Variants in DLG4 observed in about 807,000 individuals in gnomAD.
DLG4 encodes discs large MAGUK scaffold protein 4, also known as disks large homolog 4.
DLG4 carries 7 observed loss-of-function variants against 93.8 expected under a neutral mutation model. That is an observed-to-expected ratio of 0.07 (90% CI 0.04 to 0.14). The LOEUF is 0.14. Among genes scored for constraint, DLG4 ranks in the 10% least tolerant of loss-of-function variants. DLG4 has a pLI of 1.00. For missense variants in DLG4, 545 were observed against 992.9 expected, an observed-to-expected ratio of 0.55 and a Z score of 6.06; for synonymous variants, 341 against 387.6, an observed-to-expected ratio of 0.88 and a Z score of 1.41.
chr17:7,191,194 G>T lies in DLG4; in HGVS notation c.2068+73C>A. The T allele has an allele frequency of 6.9e-7, 1 of 1,443,638 alleles. No individual in the cohort carries two copies. Among genetic ancestry groups the T allele is most frequent in the Non-Finnish European group, 9.7e-7 (1 of 1,031,410 alleles). The allele number at this position is 1,443,638 out of a possible 1,614,324, so 89.4% of individuals were successfully genotyped here. The stretch of plus-strand genomic sequence containing the variant: ...ACCTCTTTCTAAGCCATCCACTGGG[G>T]GTGGCGGGGGAGCTCTTTCTAATCC... On this transcript the variant is annotated intron_variant, in intron 19 of 19. Coordinates refer to ENST00000399506, the MANE Select transcript of DLG4 (RefSeq NM_001321075.3). The surrounding 1 kb of genome is among the most constrained non-coding windows in gnomAD (Gnocchi z 6.6).
Position 7,194,079 on chromosome 17 carries a change from C to T in DLG4, c.1479-79G>A. The stretch of plus-strand genomic sequence containing the variant: ...CCCCATGCTCTGAGCCAGCTGACAA[C>T]CCCTTCTCCATACTCTGGGCCAGCT... On this transcript the variant is annotated intron_variant, in intron 12 of 19. Coordinates refer to ENST00000399506, the MANE Select transcript of DLG4 (RefSeq NM_001321075.3). The surrounding 1 kb of genome is among the most constrained non-coding windows in gnomAD (Gnocchi z 4.4). 3.2e-6 allele frequency: 5 copies of T among 1,553,444 alleles called. No homozygotes were observed. The highest frequency in any genetic ancestry group is 1.4e-5 in the African/African-American group (1 of 73,636).
In DLG4 at chr17:7,204,674, A is replaced by G. The variant is rs536311864; in HGVS notation, c.97-422T>C. 2.3e-4 allele frequency among the ~76,000 whole-genome samples: 35 copies of G among 152,096 alleles called. 1 individual carries two copies. The highest frequency in any genetic ancestry group is 3.4e-3 in the Middle Eastern group (1 of 294). ...CTTATGTGCTACACATGGACACCCC[A>G]GGGATCATGTCCACCGGGTCCTGGT... On this transcript the variant is annotated intron_variant, in intron 2 of 19. Transcript: ENST00000399506.
chr17:7,203,659 C>A lies in DLG4; in HGVS notation c.335+33G>T. 1.2e-6 allele frequency: 2 copies of A among 1,612,648 alleles called. No homozygotes were observed. Among genetic ancestry groups the A allele is most frequent in the Non-Finnish European group, 1.7e-6 (2 of 1,178,810 alleles). ...TGCCCTGGCCCTCCCTCTCCAGGGA[C>A]CAAGCAACCTAACCCCTGTCTCCTC... On this transcript the variant is annotated intron_variant, in intron 5 of 19. Transcript: ENST00000399506. The surrounding 1 kb of genome is among the most constrained non-coding windows in gnomAD (Gnocchi z 7.2).
Position 7,193,035 on chromosome 17 carries a change from G to A in DLG4, c.1776C>T (p.Asp592=). 6.2e-7 allele frequency: 1 copy of A among 1,613,772 alleles called. No individual in the cohort carries two copies. Among genetic ancestry groups the A allele is most frequent in the Non-Finnish European group, 8.5e-7 (1 of 1,179,782 alleles). Residue 592 remains aspartate (D), a synonymous_variant, in exon 17 of 20, where the codon GAC becomes GAT. Transcript: ENST00000399506. This position sits in a 1 kb window ranked among gnomAD's most constrained non-coding sequence, Gnocchi z 6.7. ...FVSSREKMEK[D]IQAHKFIEAG... The stretch of plus-strand genomic sequence containing the variant: ...CCTCAATGAACTTGTGCGCCTGAAT[G>A]TCCTTCTCCATTTTCTCCCGGGACG...
At chr17:7,218,351 C>A, upstream of DLG4, 1 of 1,524,680 alleles carries the variant, frequency 6.6e-7, no homozygotes, top group Non-Finnish European at 8.9e-7. Context: ...CCTGTCATCA[C>A]CGCTGCTGGC....
intron 8 of DLG4, among the ~76,000 whole-genome samples, chr17:7,201,022 G>A (rs2070105371): frequency 6.6e-6 from 1 of 151,816 alleles, no homozygotes; most frequent in Admixed American, 6.6e-5. Flanking sequence ...ACCACACCCA[G>A]CTAATTTTTT....
chr17:7,202,526 G>A (rs906459330), intron 8 of DLG4, among the ~76,000 whole-genome samples: 5 of 152,106 alleles, frequency 3.3e-5, no homozygotes, highest in Non-Finnish European at 5.9e-5. Flanking sequence ...GAAGCAAAAC[G>A]GGTCTATACT....
In DLG4 at chr17:7,194,084, T is replaced by C; in HGVS notation, c.1479-84A>G. 6.5e-7 allele frequency: 1 copy of C among 1,532,990 alleles called. No homozygotes were observed. Among genetic ancestry groups the C allele is most frequent in the South Asian group, 1.2e-5 (1 of 83,108 alleles). 95.0% of individuals were successfully genotyped at this position (1,532,990 alleles called of 1,614,324 possible). On this transcript the variant is annotated intron_variant, in intron 12 of 19. Coordinates refer to ENST00000399506, the MANE Select transcript of DLG4 (RefSeq NM_001321075.3). The surrounding 1 kb of genome is among the most constrained non-coding windows in gnomAD (Gnocchi z 4.4). ...TGCTCTGAGCCAGCTGACAACCCCT[T>C]CTCCATACTCTGGGCCAGCTGACAC...
chr17:7,219,479 C>A, upstream of DLG4: 1 of 1,041,402 alleles, frequency 9.6e-7, no homozygotes, highest in Non-Finnish European at 1.2e-6. Context: ...GGTACTCACA[C>A]CCTAGCTTGG....
Position 7,193,258 on chromosome 17 carries a change from G to T in DLG4, c.1694-141C>A. ...TGCCAGGGAGACCAAGACTGCAGAG[G>T]GCCAGAACCGCTTCCCCTAGCACCC... On this transcript the variant is annotated intron_variant, in intron 16 of 19. Coordinates refer to ENST00000399506, the MANE Select transcript of DLG4 (RefSeq NM_001321075.3). This position sits in a 1 kb window ranked among gnomAD's most constrained non-coding sequence, Gnocchi z 6.7. 7.7e-7 allele frequency: 1 copy of T among 1,295,838 alleles called. No homozygotes were observed. The allele number at this position is 1,295,838 out of a possible 1,614,324, so 80.3% of individuals were successfully genotyped here.
At position 7,190,429 on chromosome 17, in the gene DLG4, G is replaced by A. The variant is rs1488090437; in HGVS notation, c.*279C>T. 2.5e-5 allele frequency: 11 copies of A among 447,148 alleles called. No homozygotes were observed. The highest frequency in any genetic ancestry group is 1.2e-4 in the South Asian group (5 of 41,884). 27.7% of individuals were successfully genotyped at this position (447,148 alleles called of 1,614,324 possible). The stretch of plus-strand genomic sequence containing the variant: ...CGGTGGGTCTGTGTGTGCATTGGGG[G>A]CAGGTGGGGGCGGGGATCCTAAGGA... On this transcript the variant is annotated 3_prime_UTR_variant, in exon 20 of 20. Coordinates refer to ENST00000399506, the MANE Select transcript of DLG4 (RefSeq NM_001321075.3).
Position 7,208,578 on chromosome 17 carries a change from C to CTCAGAGCTCCCTCCAGCTTCTCA in DLG4, c.31-340_31-339insTGAGAAGCTGGAGGGAGCTCTGA, listed in dbSNP as rs2070586200. The stretch of plus-strand genomic sequence containing the variant: ...CCCCTTTCCCCACCACCTTCATCTT[C>CTCAGAGCTCCCTCCAGCTTCTCA]GAGTCCCTCCAGCTTCTCAGAGCTC... On this transcript the variant is annotated intron_variant, in intron 1 of 19. Transcript: ENST00000399506. This position sits in a 1 kb window ranked among gnomAD's most constrained non-coding sequence, Gnocchi z 5.4. Among the ~76,000 whole-genome samples the CTCAGAGCTCCCTCCAGCTTCTCA allele has an allele frequency of 6.6e-6, 1 of 152,076 alleles. No individual in the cohort carries two copies. Among genetic ancestry groups the CTCAGAGCTCCCTCCAGCTTCTCA allele is most frequent in the Non-Finnish European group, 1.5e-5 (1 of 68,012 alleles).
chr17:7,214,334 G>A (rs941619190), intron 1 of DLG4, among the ~76,000 whole-genome samples: 1 of 152,034 alleles, frequency 6.6e-6, no homozygotes, highest in Non-Finnish European at 1.5e-5. Flanking sequence ...ATTTCGGTCA[G>A]GTAACCCAGC....
rs200879867 is a variant in DLG4 at position 7,194,492 on chromosome 17, G to T, written c.1305C>A (p.Ala435=). 1.3e-5 allele frequency: 21 copies of T among 1,601,864 alleles called. No individual in the cohort carries two copies. The highest frequency in any genetic ancestry group is 1.8e-5 in the Non-Finnish European group (21 of 1,174,518). ...CCTTGGTCTTGTCGTAATCAAACAG[G>T]GCCCTGGAGGGCAAGTGGCTATCGG... ...SNPKRGFYIR[A]LFDYDKTKDC... Residue 435 remains alanine (A), a synonymous_variant, in exon 12 of 20, where the codon GCC becomes GCA. Coordinates refer to ENST00000399506, the MANE Select transcript of DLG4 (RefSeq NM_001321075.3). The surrounding 1 kb of genome is among the most constrained non-coding windows in gnomAD (Gnocchi z 4.4).
chr17:7,205,100 G>A, intron 2 of DLG4: 10 of 985,618 alleles, frequency 1.0e-5, no homozygotes, highest in Non-Finnish European at 1.2e-5. Flanking sequence ...GGCTGAAGAG[G>A]TTTGTGGGCG....
At chr17:7,216,626 C>A (rs1243264930) in intron 1 of DLG4, among the ~76,000 whole-genome samples, 1 of 152,172 alleles carries the variant, frequency 6.6e-6, no homozygotes, top group East Asian at 1.9e-4. Flanking sequence ...AGGCCCACCC[C>A]TTCCCTGCCA....
At position 7,203,550 on chromosome 17, in the gene DLG4, C is replaced by T. The variant is rs928035071; in HGVS notation, c.379G>A (p.Glu127Lys). The T allele has an allele frequency of 6.2e-7, 1 of 1,613,292 alleles. No homozygotes were observed. Among genetic ancestry groups the T allele is most frequent in the South Asian group, 1.1e-5 (1 of 91,070 alleles). ...ILFVNEVDVR[E>K]VTHSAAVEAL... ...TCCACCGCCGCTGAGTGGGTCACCT[C>T]GCGCACGTCCACTTCATTTACAAAC... The change falls in exon 6 of 20, where the codon GAG (glutamate) becomes AAG (lysine). Residue 127 changes from glutamate to lysine, a missense_variant. Around this residue, in one of 5 missense-constraint regions of DLG4, gnomAD observed 33 missense variants for 107.5 expected, o/e 0.31. Transcript: ENST00000399506. The surrounding 1 kb of genome is among the most constrained non-coding windows in gnomAD (Gnocchi z 7.2).
In DLG4 at chr17:7,203,356, G is replaced by A; in HGVS notation, c.506-27C>T. ...TGGATGGAGGGGAGGCCAGAGGTGG[G>A]TGCCCAGGAAGCAGGCTTGGGGGCA... On this transcript the variant is annotated intron_variant, in intron 6 of 19. Coordinates refer to ENST00000399506, the MANE Select transcript of DLG4 (RefSeq NM_001321075.3). This position sits in a 1 kb window ranked among gnomAD's most constrained non-coding sequence, Gnocchi z 7.2. The A allele has an allele frequency of 6.3e-7, 1 of 1,592,488 alleles. No homozygotes were observed. Among genetic ancestry groups the A allele is most frequent in the Non-Finnish European group, 8.6e-7 (1 of 1,163,270 alleles).
Position 7,196,448 on chromosome 17 carries a change from A to G in DLG4, c.1186+25T>C. On this transcript the variant is annotated intron_variant, in intron 10 of 19. Coordinates refer to ENST00000399506, the MANE Select transcript of DLG4 (RefSeq NM_001321075.3). This position sits in a 1 kb window ranked among gnomAD's most constrained non-coding sequence, Gnocchi z 8.3. The stretch of plus-strand genomic sequence containing the variant: ...GTTCTAAGGGCCATTTCAGCTCACA[A>G]GACAAGGAACTTCCGGCCTGGTACC... 1 of 1,613,262 alleles carries G rather than the reference A, an allele frequency of 6.2e-7. No homozygotes were observed. Among genetic ancestry groups the G allele is most frequent in the Non-Finnish European group, 8.5e-7 (1 of 1,179,222 alleles).
Sources: allele counts gnomAD v4.1 joint callset (sites outside exome capture counted in the v4.1 genomes callset), GRCh38; gene constraint gnomAD v4.1.1; regional missense constraint gnomAD v4.1.1; non-coding constraint Gnocchi (gnomAD v3.1); transcripts MANE v1.5; gene names NCBI Gene and HGNC (gene_info 2026-07-23, HGNC 2026-07-21).